The following NOL4 variants were observed in gnomAD, a reference collection of about 807,000 sequenced individuals.
NOL4 encodes nucleolar protein 4, also known as cancer/testis antigen 125.
A neutral mutation model predicts 75.9 loss-of-function variants in NOL4; 17 were observed. That is an observed-to-expected ratio of 0.22 (90% CI 0.15 to 0.34). The LOEUF is 0.34. NOL4 is among the 10% of genes least tolerant of loss of function. The probability of loss-of-function intolerance (pLI) is 1.00; values close to 1 mark genes in which losing one functional copy is unlikely to be tolerated. For synonymous variants in NOL4, 292 were observed against 289.9 expected (o/e 1.01, Z -0.07); for missense variants, 614 against 793.5 (o/e 0.77, Z 2.72).
intron 6 of NOL4, among the ~76,000 whole-genome samples, chr18:33,989,474 G>A (rs2146090790): frequency 6.6e-6 from 1 of 152,112 alleles, no homozygotes; most frequent in Admixed American, 6.6e-5. Flanking sequence ...TTATTGTGTG[G>A]CATTAGAAAA....
At chr18:34,185,506 A>T (rs563758183) in intron 1 of NOL4, among the ~76,000 whole-genome samples, 1 of 152,228 alleles carries the variant, frequency 6.6e-6, no homozygotes, top group East Asian at 1.9e-4. Context: ...TTTTCAAGGT[A>T]AAATTCAGAG....
chr18:33,913,367 C>T (rs1326792273), intron 9 of NOL4, among the ~76,000 whole-genome samples: 1 of 152,048 alleles, frequency 6.6e-6, no homozygotes, highest in Non-Finnish European at 1.5e-5. Flanking sequence ...AATGCAAAAC[C>T]TTTTTTCTAG....
chr18:34,134,461 C>T (rs2080804541), intron 1 of NOL4, among the ~76,000 whole-genome samples: 1 of 141,832 alleles, frequency 7.1e-6, no homozygotes, highest in Non-Finnish European at 1.5e-5. Flanking sequence ...CACACACACA[C>T]ACACACACAC....
intron 5 of NOL4, among the ~76,000 whole-genome samples, chr18:34,037,663 A>C (rs2075969470): frequency 6.6e-6 from 1 of 152,128 alleles, no homozygotes; most frequent in South Asian, 2.1e-4. Context: ...TACTAGGGAA[A>C]GGACACCCTC....
At chr18:34,035,377 A>G (rs1163720620) in intron 5 of NOL4, among the ~76,000 whole-genome samples, 1 of 152,202 alleles carries the variant, frequency 6.6e-6, no homozygotes, top group Non-Finnish European at 1.5e-5. Context: ...TGGGTTATGA[A>G]GAAATTAAGC....
At chr18:34,097,635 A>G (rs77709208) in intron 4 of NOL4, among the ~76,000 whole-genome samples, 5,143 of 152,276 alleles carry the variant, frequency 0.034, 90 homozygotes, top group Middle Eastern at 0.048. Context: ...TTTAGTTTTA[A>G]TTAATTTTAA....
intron 1 of NOL4, among the ~76,000 whole-genome samples, chr18:34,140,462 T>C (rs1409446454): frequency 2.0e-5 from 3 of 152,196 alleles, no homozygotes; most frequent in Admixed American, 6.5e-5. Flanking sequence ...TTGATCTTTG[T>C]TGGTTTAAGG....
Position 33,866,250 on chromosome 18 carries a change from A to T in NOL4, c.1724-13215T>A, listed in dbSNP as rs988335605. ...AATCTCCCACACGTTTGAAAAATTA[A>T]GTACTGCAAAACTCAAATCTCCTGG... is the stretch of plus-strand genomic sequence containing the variant. On this transcript the variant is annotated intron_variant, in intron 10 of 10. Coordinates refer to ENST00000261592, the MANE Select transcript of NOL4 (RefSeq NM_003787.5). 7.2e-5 allele frequency among the ~76,000 whole-genome samples: 11 copies of T among 152,278 alleles called. No homozygotes were observed. The East Asian group carries it at 2.1e-3, about 29-fold the overall frequency.
intron 1 of NOL4, chr18:34,183,581 A>G (rs531452699): frequency 6.6e-6 from 1 of 151,990 alleles, no homozygotes; most frequent in Non-Finnish European, 1.5e-5. Flanking sequence ...AATGGAAATC[A>G]TTCAGATGTC....
intron 6 of NOL4, among the ~76,000 whole-genome samples, chr18:33,985,380 A>T (rs141198325): frequency 1.6e-3 from 248 of 152,206 alleles, no homozygotes; most frequent in African/African-American, 5.6e-3. Context: ...TGAGTTTCTA[A>T]ATATCTTAAT....
At chr18:34,206,335 T>G (rs1219459992) in intron 1 of NOL4, among the ~76,000 whole-genome samples, 2 of 152,186 alleles carry the variant, frequency 1.3e-5, no homozygotes, top group Admixed American at 1.3e-4. Context: ...AAGAGTAATC[T>G]ACTTATAATT....
At chr18:34,131,912 G>A (rs2080670616) in intron 1 of NOL4, among the ~76,000 whole-genome samples, 1 of 152,156 alleles carries the variant, frequency 6.6e-6, no homozygotes, top group Non-Finnish European at 1.5e-5. Context: ...GGTTGCTAGG[G>A]TAGTATATTA....
chr18:33,995,407 CTAT>C (rs1453401284), intron 6 of NOL4, among the ~76,000 whole-genome samples: 1 of 151,434 alleles, frequency 6.6e-6, no homozygotes, highest in African/African-American at 2.4e-5. Context: ...ATAATTGTAC[CTAT>C]TATATGATCT....
intron 6 of NOL4, among the ~76,000 whole-genome samples, chr18:34,009,992 C>T (rs2074277821): frequency 6.6e-6 from 1 of 151,794 alleles, no homozygotes; most frequent in Non-Finnish European, 1.5e-5. Flanking sequence ...TATACACTTT[C>T]ATTTTTCCTT....
At chr18:33,880,124 C>T (rs16965007) in intron 10 of NOL4, among the ~76,000 whole-genome samples, 27,620 of 151,924 alleles carry the variant, frequency 0.18, 2,736 homozygotes, top group African/African-American at 0.24. Context: ...AACATTTGCA[C>T]TGTCTTTCTG....
intron 5 of NOL4, among the ~76,000 whole-genome samples, chr18:34,077,597 A>G (rs548856291): frequency 1.5e-3 from 228 of 152,288 alleles, no homozygotes; most frequent in Non-Finnish European, 2.7e-3. Flanking sequence ...CACAACATGC[A>G]AGGACAACAA....
chr18:34,056,858 A>C (rs2076854438), intron 5 of NOL4, among the ~76,000 whole-genome samples: 1 of 152,174 alleles, frequency 6.6e-6, no homozygotes, highest in African/African-American at 2.4e-5. Flanking sequence ...CAAGGGGGGA[A>C]TTAGGGCCTC....
intron 4 of NOL4, among the ~76,000 whole-genome samples, chr18:34,099,803 C>T (rs2078961631): frequency 6.6e-6 from 1 of 152,100 alleles, no homozygotes; most frequent in Non-Finnish European, 1.5e-5. Context: ...TTATATAACA[C>T]TTCTATTCTT....
chr18:34,122,737 T>C (rs981459197), intron 2 of NOL4, among the ~76,000 whole-genome samples: 1 of 152,176 alleles, frequency 6.6e-6, no homozygotes, highest in Non-Finnish European at 1.5e-5. Flanking sequence ...ATCTCCTTGC[T>C]ATTATACTCA....
Sources: gnomAD v4.1 joint callset for allele counts (sites outside exome capture counted in the v4.1 genomes callset) on GRCh38, gnomAD v4.1.1 for gene constraint, MANE v1.5 for transcripts, NCBI Gene and HGNC (gene_info 2026-07-23, HGNC 2026-07-21) for gene names.